NXPH1: variants seen among roughly 807,000 people sequenced by gnomAD.
The protein encoded by NXPH1 is neurexophilin 1.
Under a neutral mutation model 23.7 loss-of-function variants are expected in NXPH1, and 5 were observed. The observed-to-expected ratio is 0.21, with a 90% CI of 0.11 to 0.44. The LOEUF is 0.44. NXPH1 is among the 20% of genes least tolerant of loss of function. NXPH1 has a pLI of 0.99. For synonymous variants in NXPH1, 144 were observed against 122.2 expected (o/e 1.18, Z -1.18); for missense variants, 324 against 321.6 (o/e 1.01, Z -0.06).
chr7:8,556,025 T>C (rs1486331165), intron 2 of NXPH1, among the ~76,000 whole-genome samples: 1 of 151,726 alleles, frequency 6.6e-6, no homozygotes, highest in South Asian at 2.1e-4. Context: ...ATATAGGCTC[T>C]TGAGGGGAGG....
At chr7:8,562,018 A>G (rs1189777500) in intron 2 of NXPH1, among the ~76,000 whole-genome samples, 1 of 151,736 alleles carries the variant, frequency 6.6e-6, no homozygotes, top group Admixed American at 6.6e-5. Context: ...AATGGCACTC[A>G]TCATTTATTG....
At chr7:8,461,836 C>CAAAAA (rs748848772) in intron 2 of NXPH1, among the ~76,000 whole-genome samples, 2 of 41,764 alleles carry the variant, frequency 4.8e-5, no homozygotes, top group African/African-American at 8.6e-5. Context: ...GACTCCGTCT[C>CAAAAA]AAAAAAAAAA....
intron 2 of NXPH1, among the ~76,000 whole-genome samples, chr7:8,595,405 T>C (rs1455389622): frequency 6.6e-6 from 1 of 152,010 alleles, no homozygotes; most frequent in Non-Finnish European, 1.5e-5. Context: ...CTTAAAGCCA[T>C]GTTTACCGTA....
At chr7:8,554,202 T>C (rs1256356123) in intron 2 of NXPH1, among the ~76,000 whole-genome samples, 1 of 151,674 alleles carries the variant, frequency 6.6e-6, no homozygotes, top group Non-Finnish European at 1.5e-5. Flanking sequence ...CAATGTTAGA[T>C]ACTATCATTG....
intron 2 of NXPH1, among the ~76,000 whole-genome samples, chr7:8,556,163 TG>T (rs1421370664): frequency 6.6e-6 from 1 of 151,624 alleles, no homozygotes; most frequent in Non-Finnish European, 1.5e-5. Flanking sequence ...ATCTTTATAA[TG>T]GGCCCCAACT....
intron 2 of NXPH1, among the ~76,000 whole-genome samples, chr7:8,644,909 G>T (rs918952475): frequency 6.6e-6 from 1 of 152,016 alleles, no homozygotes; most frequent in Non-Finnish European, 1.5e-5. Context: ...GTTTAGTTTT[G>T]CATATTTTGT....
Position 8,552,157 on chromosome 7 carries a change from C to G in NXPH1, c.54+116390C>G, listed in dbSNP as rs376147070. On this transcript the variant is annotated intron_variant, in intron 2 of 2. Transcript: ENST00000405863. ...AAAAAAAAAAACCACCAAAACCACA[C>G]AAACCGTTAAGGAGAGTAATGTAAT... Among the ~76,000 whole-genome samples, 55 of 127,732 alleles carry G rather than the reference C, an allele frequency of 4.3e-4. No homozygotes were observed. In the South Asian group the frequency reaches 0.014, roughly 33 times the overall value. The allele number at this position is 127,732 out of a possible 152,430, so 83.8% of individuals were successfully genotyped here. A position where few individuals can be genotyped will look rare whatever the true frequency, so the allele number is the denominator to read the frequency against.
intron 2 of NXPH1, among the ~76,000 whole-genome samples, chr7:8,526,086 T>C (rs1294927392): frequency 6.6e-6 from 1 of 152,206 alleles, no homozygotes; most frequent in East Asian, 1.9e-4. Context: ...GGAGAGAGGC[T>C]GTATCCTGCA....
chr7:8,571,479 G>A (rs1222495350), intron 2 of NXPH1, among the ~76,000 whole-genome samples: 59 of 151,924 alleles, frequency 3.9e-4, no homozygotes, highest in African/African-American at 1.4e-3. Context: ...TAAGCAGCCT[G>A]TAGGACATGG....
At chr7:8,589,074 A>G (rs1455266976) in intron 2 of NXPH1, among the ~76,000 whole-genome samples, 2 of 152,130 alleles carry the variant, frequency 1.3e-5, no homozygotes, top group Non-Finnish European at 2.9e-5. Flanking sequence ...TTCTGGTGCA[A>G]TAAAGTTTGC....
intron 2 of NXPH1, among the ~76,000 whole-genome samples, chr7:8,554,355 G>A (rs1473372165): frequency 2.0e-5 from 3 of 151,540 alleles, no homozygotes; most frequent in Admixed American, 6.6e-5. Context: ...GAGCAATACC[G>A]ACCATATGGT....
chr7:8,682,273 C>T (rs1338802255), intron 2 of NXPH1, among the ~76,000 whole-genome samples: 1 of 152,154 alleles, frequency 6.6e-6, no homozygotes, highest in African/African-American at 2.4e-5. Context: ...AGCCGTGCCT[C>T]AGAAGTTCTT....
At chr7:8,604,734 G>A (rs868329845) in intron 2 of NXPH1, among the ~76,000 whole-genome samples, 2 of 151,990 alleles carry the variant, frequency 1.3e-5, no homozygotes, top group Admixed American at 1.3e-4. Context: ...TTCCAATATG[G>A]TACTAGACTA....
At chr7:8,717,348 C>T (rs1779894188) in intron 2 of NXPH1, among the ~76,000 whole-genome samples, 1 of 152,040 alleles carries the variant, frequency 6.6e-6, no homozygotes, top group Admixed American at 6.6e-5. Context: ...GTATGTTTCC[C>T]CAAAGCAGAA....
intron 2 of NXPH1, among the ~76,000 whole-genome samples, chr7:8,718,728 G>A (rs1779917354): frequency 1.3e-5 from 2 of 152,160 alleles, no homozygotes; most frequent in Non-Finnish European, 2.9e-5. Flanking sequence ...GACATCTCCA[G>A]GAAGTAGGGG....
intron 2 of NXPH1, among the ~76,000 whole-genome samples, chr7:8,693,350 C>T (rs1314699615): frequency 6.6e-6 from 1 of 152,050 alleles, no homozygotes; most frequent in African/African-American, 2.4e-5. Context: ...ACACAGCATC[C>T]CTTCCTATCA....
rs117358034 is a variant in NXPH1, at chr7:8,711,715, C to T, written c.55-39293C>T. Among the ~76,000 whole-genome samples, 739 of 152,194 alleles carry T rather than the reference C, an allele frequency of 4.9e-3. 24 individuals are homozygous for T. The highest frequency in any genetic ancestry group is 0.039 in the Admixed American group (601 of 15,282). On this transcript the variant is annotated intron_variant, in intron 2 of 2. Transcript: ENST00000405863. ...ATATGTATGTGAGGGGATGGAGATGCTGCAGAATGAACAAGGACTTGAATT... is the reference window on the plus strand; with the variant it reads ...ATATGTATGTGAGGGGATGGAGATGTTGCAGAATGAACAAGGACTTGAATT...
At chr7:8,667,924 T>A (rs574113851) in intron 2 of NXPH1, among the ~76,000 whole-genome samples, 2 of 152,102 alleles carry the variant, frequency 1.3e-5, no homozygotes, top group Admixed American at 6.5e-5. Flanking sequence ...ATAAACTGTT[T>A]TCGAGTTCAC....
chr7:8,662,432 T>C (rs1040815515), intron 2 of NXPH1, among the ~76,000 whole-genome samples: 4 of 152,082 alleles, frequency 2.6e-5, no homozygotes, highest in Admixed American at 6.6e-5. Flanking sequence ...CTTAAGTTAC[T>C]GGAACTTTTT....
Sources: allele counts gnomAD v4.1 joint callset (sites outside exome capture counted in the v4.1 genomes callset), GRCh38; gene constraint gnomAD v4.1.1; transcripts MANE v1.5; gene names NCBI Gene and HGNC (gene_info 2026-07-23, HGNC 2026-07-21).